Variants in MACF1 observed in about 807,000 individuals in gnomAD.
MACF1 encodes the protein microtubule actin crosslinking factor 1, also known as microtubule-actin cross-linking factor 1.
In MACF1, 193 loss-of-function variants were observed where a neutral mutation model predicts 854.8. That is an observed-to-expected ratio of 0.23 (90% CI 0.20 to 0.25). The LOEUF (loss-of-function observed/expected upper bound fraction) is 0.25, where lower values mean the gene tolerates loss of function less well. Ranked by LOEUF, MACF1 falls within the 10% of genes least tolerant of loss-of-function variation. MACF1 has a pLI of 1.00. For synonymous variants in MACF1, 3,185 were observed against 3,226.7 expected (o/e 0.99, Z 0.44); for missense variants, 7,722 against 8,929.1 (o/e 0.86, Z 5.45).
At chr1:39,220,556 C>T (rs1238514733) in intron 1 of MACF1, among the ~76,000 whole-genome samples, 2 of 148,826 alleles carry the variant, frequency 1.3e-5, no homozygotes, top group African/African-American at 5.0e-5. Context: ...AATCTCAGCT[C>T]ACTGCAGCCT....
chr1:39,091,954 T>C (rs1641818022), intron 2 of MACF1, among the ~76,000 whole-genome samples: 1 of 152,256 alleles, frequency 6.6e-6, no homozygotes, highest in African/African-American at 2.4e-5. Context: ...AGGCTCAGAC[T>C]GCACTTCAGA....
At chr1:39,416,307 C>T (rs557365400) in intron 58 of MACF1, among the ~76,000 whole-genome samples, 4 of 151,522 alleles carry the variant, frequency 2.6e-5, no homozygotes, top group African/African-American at 7.3e-5. Flanking sequence ...ATAGCCTGTA[C>T]AAAGTGAAGA....
chr1:39,250,070 C>T lies in MACF1; in HGVS notation c.228C>T (p.Ile76=). Residue 76 remains isoleucine (I), a synonymous_variant, in exon 3 of 101, where the codon ATC becomes ATT. Transcript: ENST00000564288. ...ATCTGCGGGATGGCCATAACCTGAT[C>T]TCTCTGTTGGAGGTCCTCTCAGGCA... ...YEDLRDGHNL[I]SLLEVLSGIK... is the part of the protein sequence containing the mutation. 1 of 1,613,826 alleles carries T rather than the reference C, an allele frequency of 6.2e-7. No individual in the cohort carries two copies. The highest frequency in any genetic ancestry group is 8.5e-7 in the Non-Finnish European group (1 of 1,179,778).
At chr1:39,156,234 C>T (rs1190068453) in intron 2 of MACF1, among the ~76,000 whole-genome samples, 1 of 152,028 alleles carries the variant, frequency 6.6e-6, no homozygotes, top group African/African-American at 2.4e-5. Flanking sequence ...GTCTCGAACT[C>T]CTGACCTCAG....
At chr1:39,430,165 A>T in intron 65 of MACF1, 97 bp downstream of exon 65, 2 of 1,332,260 alleles carry the variant, frequency 1.5e-6, no homozygotes, top group Non-Finnish European at 2.0e-6. Flanking sequence ...AACTAAAAAT[A>T]TGTGCCCCCT....
rs1189630404 is a variant in MACF1, at chr1:39,316,480, T to C, written c.3539T>C (p.Val1180Ala). The change falls in exon 28 of 101, where the codon GTA (valine) becomes GCA (alanine). Residue 1180 changes from valine (V) to alanine (A), a missense_variant. Physicochemically the swap from Val to Ala is moderately conservative, Grantham distance 64 (BLOSUM62 0). Around this residue, in one of 15 missense-constraint regions of MACF1, gnomAD observed 1,137 missense variants for 1,263.0 expected, o/e 0.90. Transcript: ENST00000564288. Reference protein sequence around the residue: ...GYEIKLSQEEVVLADLSALEA... With the variant: ...GYEIKLSQEEAVLADLSALEA... ...GAGATTAAGCTGAGTCAAGAAGAAG[T>C]AGTACTGGCAGATCTCTCAGCTCTG... 6.2e-7 allele frequency: 1 copy of C among 1,613,942 alleles called. No homozygotes were observed. The highest frequency in any genetic ancestry group is 1.1e-5 in the South Asian group (1 of 91,068).
intron 97 of MACF1, among the ~76,000 whole-genome samples, chr1:39,474,917 A>C (rs1644849308): frequency 6.6e-6 from 1 of 152,166 alleles, no homozygotes; most frequent in Non-Finnish European, 1.5e-5. Context: ...AGTTCATATG[A>C]ACAGAAGTGT....
In MACF1 at chr1:39,240,656, G is replaced by A. The variant is rs148234053; in HGVS notation, c.172-9358G>A. On this transcript the variant is annotated intron_variant, in intron 2 of 100. Transcript: ENST00000564288. The stretch of plus-strand genomic sequence containing the variant: ...TGGGATTACAGGCATGTGCCACCAC[G>A]CCTGGCTAATTTTGTATTTTTAGTA... 9.3e-3 allele frequency among the ~76,000 whole-genome samples: 1,422 copies of A among 152,224 alleles called. 21 individuals carry two copies. Among genetic ancestry groups the A allele is most frequent in the African/African-American group, 0.032 (1,339 of 41,518 alleles).
At chr1:39,222,951 C>T (rs1454091707) in intron 1 of MACF1, among the ~76,000 whole-genome samples, 5 of 152,164 alleles carry the variant, frequency 3.3e-5, no homozygotes, top group Non-Finnish European at 7.3e-5. Context: ...TTTTGCCCCT[C>T]AAATGCAGGC....
chr1:39,100,562 C>A lies in MACF1; in HGVS notation c.220+16124C>A, dbSNP rs115866604. On this transcript the variant is annotated intron_variant, in intron 2 of 93. Transcript: ENST00000361689. ...TGGTTCACTCATTCATGCATTTAAT[C>A]AAAAATTTAGGCCGGGTGCGGTGGC... Among the ~76,000 whole-genome samples the A allele has an allele frequency of 8.8e-3, 1,340 of 152,224 alleles. 22 individuals are homozygous for A. The highest frequency in any genetic ancestry group is 0.03 in the African/African-American group (1,251 of 41,540).
rs531277762 is a variant in MACF1 at position 39,185,514 on chromosome 1, A to T, written c.221-45668A>T. 8.6e-3 allele frequency among the ~76,000 whole-genome samples: 1,288 copies of T among 149,896 alleles called. 12 individuals are homozygous for T. The highest frequency in any genetic ancestry group is 0.021 in the Middle Eastern group (6 of 290). ...AGGCCCAGTTTCTTTAAAAAAAAAA[A>T]TTTTTTTTTTAAATAAACCCAAGAT... On this transcript the variant is annotated intron_variant, in intron 2 of 93. Transcript: ENST00000361689.
chr1:39,250,123 T>G lies in MACF1; in HGVS notation c.261+20T>G. On this transcript the variant is annotated intron_variant, in intron 3 of 100. Coordinates refer to ENST00000564288, the MANE Select transcript of MACF1 (RefSeq NM_001394062.1). ...AAACTGGTGAGCTTCTCCTAATGAATGGCCTCACAATTGTGGCCCTACAAA... is the reference window on the plus strand; with the variant it reads ...AAACTGGTGAGCTTCTCCTAATGAAGGGCCTCACAATTGTGGCCCTACAAA... The G allele has an allele frequency of 6.5e-7, 1 of 1,547,732 alleles. No individual in the cohort carries two copies. The highest frequency in any genetic ancestry group is 1.1e-5 in the South Asian group (1 of 89,550).
intron 52 of MACF1, among the ~76,000 whole-genome samples, chr1:39,375,990 A>C (rs1649686971): frequency 6.6e-6 from 1 of 152,334 alleles, no homozygotes; most frequent in Admixed American, 6.5e-5. Flanking sequence ...CACATGTGCT[A>C]TAGATGTTTT....
chr1:39,378,632 G>T, intron 53 of MACF1, 109 bp downstream of exon 53: 1 of 1,078,422 alleles, frequency 9.3e-7, no homozygotes, highest in Non-Finnish European at 1.4e-6. Flanking sequence ...TGCCAGAATG[G>T]GTGTGAGGAT....
At chr1:39,365,242 A>T (rs890339155) in intron 49 of MACF1, among the ~76,000 whole-genome samples, 4 of 151,744 alleles carry the variant, frequency 2.6e-5, no homozygotes, top group Non-Finnish European at 5.9e-5. Flanking sequence ...CGTCCAGCTA[A>T]TTTTTTTGTA....
rs1337384234 is a variant in MACF1 at position 39,347,021 on chromosome 1, T to C, written c.10626T>C (p.Ala3542=). The change falls in exon 41 of 101, where the codon GCT becomes GCC. Residue 3542 remains alanine, a synonymous_variant. Coordinates refer to ENST00000564288, the MANE Select transcript of MACF1 (RefSeq NM_001394062.1). ...PMAERKAQLD[A]LAFDIQFFIS... is the part of the protein sequence containing the mutation. ...CTGAAAGGAAAGCTCAGCTGGATGC[T>C]CTTGCTTTTGATATTCAGTTCTTTA... The C allele has an allele frequency of 1.9e-6, 3 of 1,614,114 alleles. No homozygotes were observed. Among genetic ancestry groups the C allele is most frequent in the Admixed American group, 1.7e-5 (1 of 60,004 alleles).
In MACF1 at chr1:39,473,349, T is replaced by C. The variant is rs1644813140; in HGVS notation, c.21958+3734T>C. Among the ~76,000 whole-genome samples, 16 of 152,202 alleles carry C rather than the reference T, an allele frequency of 1.1e-4. No individual in the cohort carries two copies. In the South Asian group the frequency reaches 3.1e-3, roughly 30 times the overall value. ...TTAAACAGGTCCTCAGATCACAAAA[T>C]GCAAAGGTTGCTGTTAACATGGGAT... On this transcript the variant is annotated intron_variant, in intron 97 of 100. Coordinates refer to ENST00000564288, the MANE Select transcript of MACF1 (RefSeq NM_001394062.1).
intron 2 of MACF1, among the ~76,000 whole-genome samples, chr1:39,154,508 T>C (rs1643643895): frequency 1.3e-5 from 2 of 152,144 alleles, no homozygotes; most frequent in African/African-American, 4.8e-5. Context: ...CCTTTGTTTT[T>C]AGGAGAAAGA....
chr1:39,231,343 C>T (rs1182363260), intron 2 of MACF1, 100 bp downstream of exon 2: 2 of 1,100,672 alleles, frequency 1.8e-6, no homozygotes, highest in Non-Finnish European at 2.8e-6. Context: ...TTGCTGTGTG[C>T]TCAAGTCTAT....
Sources: allele counts gnomAD v4.1 joint callset (sites outside exome capture counted in the v4.1 genomes callset), GRCh38; gene constraint gnomAD v4.1.1; regional missense constraint gnomAD v4.1.1; transcripts MANE v1.5; gene names NCBI Gene and HGNC (gene_info 2026-07-23, HGNC 2026-07-21).